Variants in ASAP2 observed in about 807,000 individuals in gnomAD.
ASAP2 encodes arf-GAP with SH3 domain, ANK repeat and PH domain-containing protein 2.
A neutral mutation model predicts 131.4 loss-of-function variants in ASAP2; 45 were observed. The ratio of observed to expected loss-of-function variants is 0.34; its 90% CI spans 0.27 to 0.44. The LOEUF is 0.44. Among genes scored for constraint, ASAP2 ranks in the 20% least tolerant of loss-of-function variants. The probability of loss-of-function intolerance (pLI) is 1.00; values close to 1 mark genes in which losing one functional copy is unlikely to be tolerated. For synonymous variants in ASAP2, 510 were observed against 503.0 expected (o/e 1.01, Z -0.19); for missense variants, 1,011 against 1,297.0 (o/e 0.78, Z 3.39).
At chr2:9,400,229 C>T (rs1676520967) in intron 25 of ASAP2, among the ~76,000 whole-genome samples, 157 bp downstream of exon 25, 1 of 45,144 alleles carries the variant, frequency 2.2e-5, no homozygotes, top group Non-Finnish European at 4.3e-5. Flanking sequence ...TCCCCTCCTG[C>T]CCCCTCCCCT....
intron 1 of ASAP2, among the ~76,000 whole-genome samples, chr2:9,247,312 A>G (rs1393384652): frequency 6.6e-6 from 1 of 152,184 alleles, no homozygotes; most frequent in Non-Finnish European, 1.5e-5. Context: ...GCCCTTCACC[A>G]GAGGCTGCTG....
intron 1 of ASAP2, among the ~76,000 whole-genome samples, chr2:9,221,701 G>C (rs933443313): frequency 3.3e-5 from 5 of 152,102 alleles, no homozygotes; most frequent in African/African-American, 1.2e-4. Context: ...TTGTGTATTT[G>C]TATGTGTATT....
At chr2:9,369,111 C>A (rs1673728306) in intron 16 of ASAP2, among the ~76,000 whole-genome samples, 1 of 151,928 alleles carries the variant, frequency 6.6e-6, no homozygotes, top group Non-Finnish European at 1.5e-5. Flanking sequence ...CTCTGCCTCC[C>A]AGGTTCAAGC....
intron 20 of ASAP2, among the ~76,000 whole-genome samples, chr2:9,381,729 G>T (rs1464654335): frequency 6.6e-6 from 1 of 151,862 alleles, no homozygotes; most frequent in Non-Finnish European, 1.5e-5. Context: ...AGAGCAACAC[G>T]CCATCTCCAC....
chr2:9,234,042 C>CGGA (rs779326662), intron 1 of ASAP2, among the ~76,000 whole-genome samples: 14 of 140,918 alleles, frequency 9.9e-5, no homozygotes, highest in Non-Finnish European at 2.1e-4. Flanking sequence ...ACCCGGGAGG[C>CGGA]GGAGGTTGCA....
rs778859500 is a variant in ASAP2, at chr2:9,356,059, A to T, written c.1124A>T (p.Tyr375Phe). Residue 375 changes from tyrosine to phenylalanine, a missense_variant, in exon 13 of 28, where the codon TAC (tyrosine) becomes TTC (phenylalanine). Transcript: ENST00000281419. ...CFDLISHDRT[Y>F]HFQAEDEQEC... Reference sequence around the variant, plus strand: ...TCTTGCTATGCAGATGACAGAACTTACCACTTTCAAGCTGAAGATGAACAG... The same window carrying T: ...TCTTGCTATGCAGATGACAGAACTTTCCACTTTCAAGCTGAAGATGAACAG... 45 of 1,614,218 alleles carry T rather than the reference A, an allele frequency of 2.8e-5. No individual in the cohort carries two copies. The highest frequency in any genetic ancestry group is 3.8e-5 in the Non-Finnish European group (45 of 1,180,046).
At chr2:9,400,213 GC>G (rs1283644963) in intron 25 of ASAP2, 141 bp downstream of exon 25, 4 of 657,196 alleles carry the variant, frequency 6.1e-6, no homozygotes, top group Non-Finnish European at 9.2e-6. Flanking sequence ...CTCCCCTCCT[GC>G]CCCCTCCCCT....
rs540456920 is a variant in ASAP2 at position 9,305,242 on chromosome 2, G to A, written c.345+7797G>A. On this transcript the variant is annotated intron_variant, in intron 3 of 27. Transcript: ENST00000281419. Reference sequence around the variant, plus strand: ...TTGGTTGACAGGCTGCAGTAGTGGGGTATACATATTGGTGGAGGGGCTGTA... The same window carrying A: ...TTGGTTGACAGGCTGCAGTAGTGGGATATACATATTGGTGGAGGGGCTGTA... Among the ~76,000 whole-genome samples the A allele has an allele frequency of 1.7e-4, 26 of 151,732 alleles. No homozygotes were observed. The South Asian group carries it at 5.4e-3, about 32-fold the overall frequency.
chr2:9,400,026 T>C lies in ASAP2; in HGVS notation c.2688T>C (p.Ala896=). Residue 896 remains alanine (A), a synonymous_variant, in exon 25 of 28, where the codon GCT becomes GCC. Coordinates refer to ENST00000281419, the MANE Select transcript of ASAP2 (RefSeq NM_003887.3). ...RLPQKKPAPG[A]DKSTPLTNKG... ...TACTTTTTCCCTGTCTTTGTAGGGC[T>C]GACAAGTCCACCCCACTGACCAACA... 1 of 1,613,354 alleles carries C rather than the reference T, an allele frequency of 6.2e-7. No homozygotes were observed. The highest frequency in any genetic ancestry group is 8.5e-7 in the Non-Finnish European group (1 of 1,179,688).
In ASAP2 at chr2:9,389,592, G is replaced by A. The variant is rs145624005; in HGVS notation, c.2383+1046G>A. On this transcript the variant is annotated intron_variant, in intron 22 of 27. Transcript: ENST00000281419. The surrounding 1 kb of genome is among the most constrained non-coding windows in gnomAD (Gnocchi z 4.7). ...GGGCCCATCTTCCCTGCCGTCCTGG[G>A]TGTCTCACAGACCCTCACACGGCTC... 2.9e-4 allele frequency among the ~76,000 whole-genome samples: 44 copies of A among 152,328 alleles called. No homozygotes were observed. The highest frequency in any genetic ancestry group is 9.9e-4 in the African/African-American group (41 of 41,562).
rs1030968968 is a variant in ASAP2, at chr2:9,389,868, C to A, written c.2384-1194C>A. ...CAGTCGCATCTCCTCCCTGTCAAAC[C>A]CCCAGGCTGGCTGGTCGGGGCCCAG... On this transcript the variant is annotated intron_variant, in intron 22 of 27. Coordinates refer to ENST00000281419, the MANE Select transcript of ASAP2 (RefSeq NM_003887.3). This position sits in a 1 kb window ranked among gnomAD's most constrained non-coding sequence, Gnocchi z 4.7. 1.3e-5 allele frequency among the ~76,000 whole-genome samples: 2 copies of A among 152,162 alleles called. No homozygotes were observed. Among genetic ancestry groups the A allele is most frequent in the African/African-American group, 2.4e-5 (1 of 41,442 alleles).
chr2:9,274,108 G>A lies in ASAP2; in HGVS notation c.127-5209G>A, dbSNP rs1281162541. ...AATAATTATCTCAGTTATAATTTTTGCAAAGGTAGTTTTTTCAGTTCTGAT... is the reference window on the plus strand; with the variant it reads ...AATAATTATCTCAGTTATAATTTTTACAAAGGTAGTTTTTTCAGTTCTGAT... On this transcript the variant is annotated intron_variant, in intron 1 of 27. Transcript: ENST00000281419. Among the ~76,000 whole-genome samples the A allele has an allele frequency of 3.3e-5, 5 of 152,250 alleles. No homozygotes were observed. In the South Asian group the frequency reaches 6.2e-4, roughly 19 times the overall value.
chr2:9,363,995 A>C (rs2148673647), intron 15 of ASAP2, among the ~76,000 whole-genome samples: 1 of 152,358 alleles, frequency 6.6e-6, no homozygotes, highest in East Asian at 1.9e-4. Flanking sequence ...TCTAAAGCAA[A>C]CCTACTTTGG....
intron 3 of ASAP2, among the ~76,000 whole-genome samples, chr2:9,298,344 A>G (rs955078579): frequency 6.6e-5 from 10 of 152,198 alleles, no homozygotes; most frequent in Non-Finnish European, 1.2e-4. Flanking sequence ...GAAGGGGAGA[A>G]ATGAGGGAGC....
rs371838484 is a variant in ASAP2 at position 9,296,242 on chromosome 2, T to A, written c.200-1058T>A. On this transcript the variant is annotated intron_variant, in intron 2 of 27. Transcript: ENST00000281419. Reference sequence around the variant, plus strand: ...AGATAGAAGTTGTTTTATTATAGACTGGCTGGTTTCCTTTGAAAGTGCCTG... The same window carrying A: ...AGATAGAAGTTGTTTTATTATAGACAGGCTGGTTTCCTTTGAAAGTGCCTG... Among the ~76,000 whole-genome samples the A allele has an allele frequency of 2.0e-5, 3 of 152,250 alleles. 1 individual carries two copies. In the South Asian group the frequency reaches 6.2e-4, roughly 32 times the overall value.
chr2:9,254,967 G>A (rs999948511), intron 1 of ASAP2, among the ~76,000 whole-genome samples: 1 of 152,198 alleles, frequency 6.6e-6, no homozygotes, highest in Non-Finnish European at 1.5e-5. Flanking sequence ...GCCGTGTTGT[G>A]TGCTAAGTGT....
chr2:9,311,876 C>T lies in ASAP2; in HGVS notation c.346-6648C>T, dbSNP rs994896293. On this transcript the variant is annotated intron_variant, in intron 3 of 27. Transcript: ENST00000281419. The surrounding 1 kb of genome is among the most constrained non-coding windows in gnomAD (Gnocchi z 5.2). Reference sequence around the variant, plus strand: ...GGGAAATTCTCCCTGAGCCACCAGGCGTGTGTGCTGTGTGGATTGCATACA... The same window carrying T: ...GGGAAATTCTCCCTGAGCCACCAGGTGTGTGTGCTGTGTGGATTGCATACA... 3.9e-5 allele frequency among the ~76,000 whole-genome samples: 6 copies of T among 152,168 alleles called. No homozygotes were observed. The highest frequency in any genetic ancestry group is 1.4e-4 in the African/African-American group (6 of 41,442).
intron 1 of ASAP2, among the ~76,000 whole-genome samples, chr2:9,216,408 T>G (rs1255279532): frequency 6.7e-6 from 1 of 149,600 alleles, no homozygotes; most frequent in African/African-American, 2.5e-5. Context: ...TGCCTCAGCC[T>G]CCTGTGTAGC....
intron 3 of ASAP2, among the ~76,000 whole-genome samples, chr2:9,309,925 C>T (rs1001502003): frequency 1.1e-4 from 17 of 152,240 alleles, no homozygotes; most frequent in African/African-American, 4.1e-4. Context: ...TTCCGCTCTT[C>T]AATGCCTGCC....
Sources: gnomAD v4.1 joint callset for allele counts (sites outside exome capture counted in the v4.1 genomes callset) on GRCh38, gnomAD v4.1.1 for gene constraint, Gnocchi (gnomAD v3.1) non-coding constraint, MANE v1.5 for transcripts, NCBI Gene and HGNC (gene_info 2026-07-23, HGNC 2026-07-21) for gene names.